Variants in CADPS observed in about 807,000 individuals in gnomAD.
The protein encoded by CADPS is calcium-dependent secretion activator 1.
A neutral mutation model predicts 167.3 loss-of-function variants in CADPS; 57 were observed. The ratio of observed to expected loss-of-function variants is 0.34; its 90% CI spans 0.28 to 0.42. The LOEUF is 0.42. CADPS is among the 20% of genes least tolerant of loss of function. CADPS has a pLI of 1.00. For missense variants in CADPS, 1,414 were observed against 1,738.1 expected, an observed-to-expected ratio of 0.81 and a Z score of 3.32; for synonymous variants, 676 against 635.3, an observed-to-expected ratio of 1.06 and a Z score of -0.96.
At chr3:62,646,222 T>C (rs1012673017) in intron 5 of CADPS, among the ~76,000 whole-genome samples, 2 of 148,310 alleles carry the variant, frequency 1.3e-5, no homozygotes, top group South Asian at 4.3e-4. Flanking sequence ...AGTGGTGCAA[T>C]GGCGTGATCT....
At chr3:62,825,287 C>G (rs1016070818) in intron 1 of CADPS, among the ~76,000 whole-genome samples, 3 of 152,124 alleles carry the variant, frequency 2.0e-5, no homozygotes, top group Non-Finnish European at 4.4e-5. Context: ...TTATTAGGCA[C>G]TTAATGTCCT....
Position 62,585,263 on chromosome 3 carries a change from G to A in CADPS, c.1499C>T (p.Ser500Phe). 1.2e-6 allele frequency: 2 copies of A among 1,614,004 alleles called. No individual in the cohort carries two copies. The change falls in exon 8 of 30, where the codon TCC (serine) becomes TTC (phenylalanine). Residue 500 changes from serine to phenylalanine, a missense_variant. Ser to Phe is a radical substitution (Grantham distance 155, BLOSUM62 -2). Around this residue, in one of 6 missense-constraint regions of CADPS, gnomAD observed 157 missense variants for 229.4 expected, o/e 0.68. Coordinates refer to ENST00000383710, the MANE Select transcript of CADPS (RefSeq NM_003716.4). ...GAGATCTTGGTCGGGGCAGTTTTTG[G>A]AGACTGTCATTTTGTGCCACTCTGA... ...KQSEWHKMTV[S>F]KNCPDQDLKI... is the part of the protein sequence containing the mutation.
chr3:62,412,741 G>C lies in CADPS; in HGVS notation c.3778-9556C>G, dbSNP rs2049207227. ...TCCTGTTGCATGGGGGAAATTTCAA[G>C]GGGAGGCAAGAGTCCAGAAGGATCC... is the stretch of plus-strand genomic sequence containing the variant. On this transcript the variant is annotated intron_variant, in intron 28 of 29. Transcript: ENST00000383710. This position sits in a 1 kb window ranked among gnomAD's most constrained non-coding sequence, Gnocchi z 4.1. Among the ~76,000 whole-genome samples, 1 of 152,156 alleles carries C rather than the reference G, an allele frequency of 6.6e-6. No individual in the cohort carries two copies. Among genetic ancestry groups the C allele is most frequent in the African/African-American group, 2.4e-5 (1 of 41,426 alleles).
At chr3:62,750,124 G>C (rs2082361647) in intron 3 of CADPS, among the ~76,000 whole-genome samples, 2 of 151,926 alleles carry the variant, frequency 1.3e-5, no homozygotes, top group African/African-American at 2.4e-5. Flanking sequence ...GGCCGAGGTG[G>C]GTGGGTCACC....
intron 3 of CADPS, among the ~76,000 whole-genome samples, chr3:62,727,745 A>G (rs2077012239): frequency 6.6e-6 from 1 of 151,956 alleles, no homozygotes; most frequent in Admixed American, 6.5e-5. Flanking sequence ...AGAAGCTAAC[A>G]TTTCCATTCT....
chr3:62,735,727 G>A (rs970962603), intron 3 of CADPS, among the ~76,000 whole-genome samples: 11 of 152,042 alleles, frequency 7.2e-5, no homozygotes, highest in Non-Finnish European at 1.6e-4. Flanking sequence ...GCAGCCTCTG[G>A]GTTATATCCT....
intron 3 of CADPS, among the ~76,000 whole-genome samples, chr3:62,752,766 T>C (rs2082975182): frequency 6.6e-6 from 1 of 152,216 alleles, no homozygotes; most frequent in Non-Finnish European, 1.5e-5. Context: ...CTAAGAGACA[T>C]CCAGTAAGAA....
At chr3:62,740,403 C>G (rs1409968812) in intron 3 of CADPS, among the ~76,000 whole-genome samples, 1 of 152,134 alleles carries the variant, frequency 6.6e-6, no homozygotes, top group Non-Finnish European at 1.5e-5. Context: ...CCCCATGAGC[C>G]ATGGTAGGGT....
In CADPS at chr3:62,421,300, C is replaced by T. The variant is rs1477246506; in HGVS notation, c.3777+16804G>A. On this transcript the variant is annotated intron_variant, in intron 28 of 29. Coordinates refer to ENST00000383710, the MANE Select transcript of CADPS (RefSeq NM_003716.4). The surrounding 1 kb of genome is among the most constrained non-coding windows in gnomAD (Gnocchi z 4.7). Reference sequence around the variant, plus strand: ...GAAATTAAACACTTGTGGGTTCATTCGAAAGAGTGAATGAAATTGAATAAG... The same window carrying T: ...GAAATTAAACACTTGTGGGTTCATTTGAAAGAGTGAATGAAATTGAATAAG... 6.8e-6 allele frequency among the ~76,000 whole-genome samples: 1 copy of T among 147,506 alleles called. No individual in the cohort carries two copies. Among genetic ancestry groups the T allele is most frequent in the Non-Finnish European group, 1.5e-5 (1 of 66,854 alleles).
intron 3 of CADPS, among the ~76,000 whole-genome samples, chr3:62,738,271 T>A (rs1281548211): frequency 6.6e-6 from 1 of 152,216 alleles, no homozygotes; most frequent in Non-Finnish European, 1.5e-5. Flanking sequence ...CTAGTACTTC[T>A]TGATGACAAA....
chr3:62,459,470 C>T (rs151158581), intron 26 of CADPS, among the ~76,000 whole-genome samples: 157 of 152,276 alleles, frequency 1.0e-3, no homozygotes, highest in Non-Finnish European at 1.8e-3. Flanking sequence ...TCACAAGGAA[C>T]GTCTAGTTCC....
intron 1 of CADPS, among the ~76,000 whole-genome samples, chr3:62,868,600 G>A (rs766578054): frequency 2.0e-5 from 3 of 152,090 alleles, no homozygotes; most frequent in Non-Finnish European, 2.9e-5. Context: ...TCGTAGATCA[G>A]TTTCAGCCCA....
chr3:62,464,114 A>G (rs1326116128), intron 26 of CADPS, among the ~76,000 whole-genome samples: 1 of 152,210 alleles, frequency 6.6e-6, no homozygotes, highest in Non-Finnish European at 1.5e-5. Flanking sequence ...GGCCTATGCT[A>G]AGCTCTTTTG....
chr3:62,507,029 C>G (rs1284963859), intron 17 of CADPS, among the ~76,000 whole-genome samples: 1 of 152,078 alleles, frequency 6.6e-6, no homozygotes, highest in Non-Finnish European at 1.5e-5. Flanking sequence ...CTACATGAAC[C>G]AAAAAATTCT....
At chr3:62,668,505 C>G (rs2074908245) in intron 3 of CADPS, among the ~76,000 whole-genome samples, 1 of 152,184 alleles carries the variant, frequency 6.6e-6, no homozygotes, top group South Asian at 2.1e-4. Context: ...TTATCTCTCC[C>G]TTGACTGGTA....
chr3:62,841,819 C>T (rs1476589315), intron 1 of CADPS, among the ~76,000 whole-genome samples: 3 of 152,190 alleles, frequency 2.0e-5, no homozygotes, highest in African/African-American at 7.2e-5. Flanking sequence ...CTGCCAACTA[C>T]AATTCTGTTT....
intron 8 of CADPS, among the ~76,000 whole-genome samples, chr3:62,582,516 C>G (rs918469852): frequency 5.3e-5 from 8 of 152,150 alleles, no homozygotes; most frequent in Admixed American, 3.3e-4. Flanking sequence ...TTTCTACCCT[C>G]CTTTACACAA....
At chr3:62,444,457 T>C (rs1201523199) in intron 27 of CADPS, among the ~76,000 whole-genome samples, 2 of 152,170 alleles carry the variant, frequency 1.3e-5, no homozygotes, top group Non-Finnish European at 2.9e-5. Flanking sequence ...ATTTTAAAGA[T>C]GGAGAAACAG....
At chr3:62,819,442 GTGTA>G (rs2094793894) in intron 1 of CADPS, among the ~76,000 whole-genome samples, 1 of 143,624 alleles carries the variant, frequency 7.0e-6, no homozygotes, top group South Asian at 2.3e-4. Context: ...GTGTGTGTGT[GTGTA>G]TTACAGTAAA....
Sources: allele counts gnomAD v4.1 joint callset (sites outside exome capture counted in the v4.1 genomes callset), GRCh38; gene constraint gnomAD v4.1.1; regional missense constraint gnomAD v4.1.1; non-coding constraint Gnocchi (gnomAD v3.1); transcripts MANE v1.5; gene names NCBI Gene and HGNC (gene_info 2026-07-23, HGNC 2026-07-21).